The following BMPER variants were observed in gnomAD, a reference collection of about 807,000 sequenced individuals.
BMPER encodes BMP-binding endothelial regulator protein.
BMPER carries 45 observed loss-of-function variants against 87.3 expected under a neutral mutation model. That is an observed-to-expected ratio of 0.52 (90% confidence interval 0.41 to 0.66). BMPER has a LOEUF of 0.66. BMPER is among the 30% of genes least tolerant of loss of function. The pLI is 0.00. For synonymous variants in BMPER, 326 were observed against 316.2 expected (o/e 1.03, Z -0.33); for missense variants, 784 against 867.5 (o/e 0.90, Z 1.21).
At chr7:33,947,238 G>A (rs1168974367) in intron 3 of BMPER, among the ~76,000 whole-genome samples, 1 of 152,086 alleles carries the variant, frequency 6.6e-6, no homozygotes, top group African/African-American at 2.4e-5. Flanking sequence ...TTAATGTAGG[G>A]TTCTTTCATG....
At chr7:33,981,882 T>C (rs967907881) in intron 6 of BMPER, among the ~76,000 whole-genome samples, 1 of 152,216 alleles carries the variant, frequency 6.6e-6, no homozygotes, top group Non-Finnish European at 1.5e-5. Flanking sequence ...AATGTCTTGT[T>C]TGAAAAGTGT....
intron 10 of BMPER, among the ~76,000 whole-genome samples, chr7:34,059,861 A>G (rs1016272880): frequency 6.6e-6 from 1 of 151,412 alleles, no homozygotes; most frequent in Non-Finnish European, 1.5e-5. Flanking sequence ...GAAGGGTTTT[A>G]TGATTGGATT....
intron 8 of BMPER, 40 bp from the exon 9 acceptor site, chr7:34,055,123 A>C: frequency 6.2e-7 from 1 of 1,613,918 alleles, no homozygotes. Flanking sequence ...GGTAGAGGCG[A>C]AAATCATTTT....
At chr7:34,056,333 T>C (rs2127962460) in intron 9 of BMPER, among the ~76,000 whole-genome samples, 1 of 152,158 alleles carries the variant, frequency 6.6e-6, no homozygotes, top group South Asian at 2.1e-4. Flanking sequence ...AGTAAACCAC[T>C]ATGGCACACG....
chr7:34,075,704 C>T lies in BMPER; in HGVS notation c.1079-3153C>T, dbSNP rs190383132. Reference sequence around the variant, plus strand: ...AGAAGAGTGTGACTGGACATCTGGACGTGTTGGACTGAAGCTCATTTCACT... The same window carrying T: ...AGAAGAGTGTGACTGGACATCTGGATGTGTTGGACTGAAGCTCATTTCACT... On this transcript the variant is annotated intron_variant, in intron 11 of 14. Coordinates refer to ENST00000649409, the MANE Select transcript of BMPER (RefSeq NM_001365308.1). Among the ~76,000 whole-genome samples the T allele has an allele frequency of 1.2e-4, 18 of 152,268 alleles. No individual in the cohort carries two copies. The East Asian group carries it at 2.7e-3, about 23-fold the overall frequency.
chr7:33,948,447 C>T (rs1784939322), intron 3 of BMPER, among the ~76,000 whole-genome samples: 1 of 152,156 alleles, frequency 6.6e-6, no homozygotes, highest in Admixed American at 6.6e-5. Flanking sequence ...AGGGGGTCTT[C>T]TGACTCCCAC....
At chr7:33,924,884 A>T (rs1273816444) in intron 2 of BMPER, among the ~76,000 whole-genome samples, 1 of 150,820 alleles carries the variant, frequency 6.6e-6, no homozygotes, top group African/African-American at 2.4e-5. Flanking sequence ...CTGGTCTTGA[A>T]CTCCTAACCT....
intron 3 of BMPER, among the ~76,000 whole-genome samples, chr7:33,964,387 G>A (rs140986817): frequency 5.3e-5 from 8 of 152,182 alleles, no homozygotes; most frequent in Non-Finnish European, 1.0e-4. Flanking sequence ...ATTTGAGAAG[G>A]TTTGTTATAT....
chr7:34,024,403 ATATATATATATATATATATATATATATAT>A (rs1787299945), intron 6 of BMPER, among the ~76,000 whole-genome samples: 3 of 35,212 alleles, frequency 8.5e-5, no homozygotes, highest in Non-Finnish European at 1.1e-4. Context: ...ATATATATAT[ATATATATATATATATATATATATATATAT>A]ATGTTGGGGA....
Position 34,155,576 on chromosome 7 carries a change from G to A in BMPER, c.*2303G>A, listed in dbSNP as rs1269425204. ...CTGTACATTTTTCTCATTTCTAATT[G>A]AAGAAGAAAGGGAGGGCAGAGAGGA... On this transcript the variant is annotated 3_prime_UTR_variant, in exon 15 of 15. Transcript: ENST00000649409. 1.3e-5 allele frequency: 2 copies of A among 152,180 alleles called. No homozygotes were observed. The highest frequency in any genetic ancestry group is 4.8e-5 in the African/African-American group (2 of 41,446). The allele number at this position is 152,180 out of a possible 1,614,324, so 9.4% of individuals were successfully genotyped here.
intron 6 of BMPER, among the ~76,000 whole-genome samples, chr7:34,006,722 T>G (rs759722077): frequency 3.3e-5 from 5 of 152,084 alleles, no homozygotes; most frequent in Non-Finnish European, 7.4e-5. Context: ...GATGTTTCAG[T>G]TATGGACGTC....
At chr7:33,962,261 A>G (rs754374916) in intron 3 of BMPER, among the ~76,000 whole-genome samples, 1 of 152,236 alleles carries the variant, frequency 6.6e-6, no homozygotes. Context: ...GCTTCTCTAC[A>G]AGAATATGAA....
chr7:34,142,400 G>A (rs1271360759), intron 13 of BMPER, among the ~76,000 whole-genome samples: 1 of 152,160 alleles, frequency 6.6e-6, no homozygotes, highest in East Asian at 1.9e-4. Flanking sequence ...GACAGGCTCC[G>A]TGTGAAAGCA....
At chr7:33,970,976 A>G (rs1216564584) in intron 5 of BMPER, among the ~76,000 whole-genome samples, 1 of 152,088 alleles carries the variant, frequency 6.6e-6, no homozygotes, top group Non-Finnish European at 1.5e-5. Flanking sequence ...ACTTTTCTGA[A>G]CAGGATTACA....
At chr7:34,054,743 C>T (rs1788237019) in intron 8 of BMPER, among the ~76,000 whole-genome samples, 1 of 152,196 alleles carries the variant, frequency 6.6e-6, no homozygotes, top group African/African-American at 2.4e-5. Flanking sequence ...GATATCATGC[C>T]TTTACGTTAA....
At chr7:34,075,465 T>C (rs372263279) in intron 11 of BMPER, among the ~76,000 whole-genome samples, 59 of 152,268 alleles carry the variant, frequency 3.9e-4, no homozygotes, top group African/African-American at 1.4e-3. Flanking sequence ...TTTACCCCCC[T>C]TTACCTGTGC....
Position 34,073,129 on chromosome 7 carries a change from AACTC to A in BMPER, c.1079-5726_1079-5723del, listed in dbSNP as rs531162986. On this transcript the variant is annotated intron_variant, in intron 11 of 14. Coordinates refer to ENST00000649409, the MANE Select transcript of BMPER (RefSeq NM_001365308.1). ...AAATATGTTCTCAAATTAATTAACT[AACTC>A]ATTCATTCAACAGACATTTATTGGT... Among the ~76,000 whole-genome samples, 574 of 152,326 alleles carry A rather than the reference AACTC, an allele frequency of 3.8e-3. 3 individuals carry two copies. The highest frequency in any genetic ancestry group is 0.012 in the African/African-American group (518 of 41,568).
chr7:34,016,458 C>G (rs1314238554), intron 6 of BMPER, among the ~76,000 whole-genome samples: 1 of 151,980 alleles, frequency 6.6e-6, no homozygotes, highest in East Asian at 1.9e-4. Context: ...ATTCACCTTT[C>G]CCTTCTCTTT....
chr7:33,965,709 A>G (rs945550877), intron 3 of BMPER, among the ~76,000 whole-genome samples: 5 of 152,098 alleles, frequency 3.3e-5, no homozygotes, highest in Non-Finnish European at 7.4e-5. Flanking sequence ...GTGGAGGGTT[A>G]TTTGTAGAAA....
Sources: gnomAD v4.1 joint callset for allele counts (sites outside exome capture counted in the v4.1 genomes callset) on GRCh38, gnomAD v4.1.1 for gene constraint, MANE v1.5 for transcripts, NCBI Gene and HGNC (gene_info 2026-07-23, HGNC 2026-07-21) for gene names.